Variants in INSYN2A observed in about 807,000 individuals in gnomAD.
The protein encoded by INSYN2A is family with sequence similarity 196 member A.
A neutral mutation model predicts 39.4 loss-of-function variants in INSYN2A; 17 were observed. The observed-to-expected ratio is 0.43, with a 90% CI of 0.30 to 0.65. The LOEUF is 0.65. Among genes scored for constraint, INSYN2A ranks in the 30% least tolerant of loss-of-function variants. The pLI is 0.14. For synonymous variants in INSYN2A, 255 were observed against 265.7 expected (o/e 0.96, Z 0.39); for missense variants, 595 against 631.2 (o/e 0.94, Z 0.61).
intron 4 of INSYN2A, among the ~76,000 whole-genome samples, chr10:127,164,089 C>CG (rs1564856778): frequency 2.0e-5 from 3 of 149,542 alleles, no homozygotes; most frequent in African/African-American, 7.4e-5. Flanking sequence ...TCCCAGGGGA[C>CG]GCAGGGGTCA....
rs1294747811 is a variant in INSYN2A, at chr10:127,175,774, C to T, written c.622G>A (p.Ala208Thr). The T allele has an allele frequency of 2.5e-6, 4 of 1,614,010 alleles. No homozygotes were observed. The highest frequency in any genetic ancestry group is 3.4e-6 in the Non-Finnish European group (4 of 1,180,042). The change falls in exon 4 of 6, where the codon GCG becomes ACG. Residue 208 changes from alanine (A) to threonine (T), a missense_variant. Coordinates refer to ENST00000522781, the MANE Select transcript of INSYN2A (RefSeq NM_001039762.3). This position sits in a 1 kb window ranked among gnomAD's most constrained non-coding sequence, Gnocchi z 6.3. ...GGAGGCCGAGTGGAGTTTTGGAGCGCAGCTTCTCCATAGCTGAGCGGCTCC... is the reference window on the plus strand; with the variant it reads ...GGAGGCCGAGTGGAGTTTTGGAGCGTAGCTTCTCCATAGCTGAGCGGCTCC... ...SPEPLSYGEAALQNSTRPPSE... is the reference protein window; with the variant it reads ...SPEPLSYGEATLQNSTRPPSE...
intron 5 of INSYN2A, among the ~76,000 whole-genome samples, chr10:127,141,733 C>T (rs2051277620): frequency 6.6e-6 from 1 of 151,970 alleles, no homozygotes; most frequent in Non-Finnish European, 1.5e-5. Context: ...CCCTGGACTG[C>T]TTTGTTTTGG....
intron 4 of INSYN2A, among the ~76,000 whole-genome samples, chr10:127,170,148 A>G (rs186522679): frequency 4.7e-4 from 71 of 152,172 alleles, no homozygotes; most frequent in Non-Finnish European, 5.6e-4. Flanking sequence ...GGGAGGTGAT[A>G]AATGACTGGG....
chr10:127,159,662 G>A (rs1055038082), intron 4 of INSYN2A, among the ~76,000 whole-genome samples: 1 of 152,162 alleles, frequency 6.6e-6, no homozygotes, highest in Non-Finnish European at 1.5e-5. Context: ...ACAATTTGGG[G>A]TATACGTGTT....
chr10:127,138,842 C>T (rs528563900), intron 5 of INSYN2A, among the ~76,000 whole-genome samples: 2 of 152,334 alleles, frequency 1.3e-5, no homozygotes, highest in East Asian at 3.9e-4. Context: ...CCGAAAATTG[C>T]TGTCAACTTG....
intron 5 of INSYN2A, among the ~76,000 whole-genome samples, chr10:127,142,216 G>T (rs1056890457): frequency 6.6e-6 from 1 of 152,216 alleles, no homozygotes; most frequent in Non-Finnish European, 1.5e-5. Flanking sequence ...TCCCAGGGCG[G>T]CTCCAGTGCA....
intron 2 of INSYN2A, among the ~76,000 whole-genome samples, chr10:127,178,864 T>C (rs571362450): frequency 6.6e-6 from 1 of 152,120 alleles, no homozygotes; most frequent in African/African-American, 2.4e-5. Flanking sequence ...CCCAGCAGGT[T>C]AAACAGATGC....
chr10:127,139,892 C>T (rs370046342), intron 5 of INSYN2A, among the ~76,000 whole-genome samples: 6 of 152,130 alleles, frequency 3.9e-5, no homozygotes, highest in African/African-American at 1.4e-4. Flanking sequence ...ATCTATTGAT[C>T]ACTAATCTTA....
At chr10:127,178,386 TGGAGGGGCTTTGCTGTGC>T (rs1408779460) in intron 2 of INSYN2A, among the ~76,000 whole-genome samples, 1 of 152,222 alleles carries the variant, frequency 6.6e-6, no homozygotes, top group Non-Finnish European at 1.5e-5. Flanking sequence ...CATTTGCTGT[TGGAGGGGCTTTGCTGTGC>T]GGTGCAGGGT....
At chr10:127,161,867 A>T (rs1589707572) in intron 4 of INSYN2A, among the ~76,000 whole-genome samples, 2 of 152,340 alleles carry the variant, frequency 1.3e-5, no homozygotes, top group East Asian at 3.9e-4. Flanking sequence ...ATGAAAAAAT[A>T]TAATTGAGAA....
intron 4 of INSYN2A, among the ~76,000 whole-genome samples, chr10:127,166,385 C>A (rs1379838999): frequency 2.0e-5 from 3 of 152,314 alleles, no homozygotes; most frequent in Non-Finnish European, 4.4e-5. Flanking sequence ...CCTGCATTTT[C>A]ATTAGTTCAT....
chr10:127,194,602 T>C (rs947949474), intron 1 of INSYN2A, among the ~76,000 whole-genome samples: 4 of 152,212 alleles, frequency 2.6e-5, no homozygotes, highest in African/African-American at 9.6e-5. Context: ...ACTCTGGGAA[T>C]GGCCCGGGTC....
chr10:127,184,297 G>A (rs1021702464), intron 2 of INSYN2A, among the ~76,000 whole-genome samples: 1 of 151,856 alleles, frequency 6.6e-6, no homozygotes, highest in Non-Finnish European at 1.5e-5. Flanking sequence ...TGCTGCCAAC[G>A]GCTTGCTCAA....
At chr10:127,193,117 C>CA (rs1212775508) in intron 1 of INSYN2A, among the ~76,000 whole-genome samples, 1 of 151,926 alleles carries the variant, frequency 6.6e-6, no homozygotes, top group African/African-American at 2.4e-5. Flanking sequence ...ATATGTGAGA[C>CA]AAAAAAGGAT....
intron 5 of INSYN2A, 121 bp downstream of exon 5, chr10:127,153,731 G>T: frequency 4.1e-6 from 3 of 734,946 alleles, no homozygotes; most frequent in East Asian, 2.7e-5. Context: ...GTCAAGTAAG[G>T]TCCTTCACTT....
At chr10:127,172,549 A>C (rs914961051) in intron 4 of INSYN2A, among the ~76,000 whole-genome samples, 3 of 152,036 alleles carry the variant, frequency 2.0e-5, no homozygotes, top group African/African-American at 7.3e-5. Flanking sequence ...CAGCCAAATT[A>C]ATGACCCTGG....
intron 2 of INSYN2A, among the ~76,000 whole-genome samples, chr10:127,186,515 G>C (rs58421021): frequency 0.79 from 8,904 of 11,328 alleles, 3,382 homozygotes; most frequent in Middle Eastern, 1. Context: ...CCGCCCCCCC[G>C]CCCCCCCCCG....
chr10:127,191,476 A>G (rs1470204348), intron 2 of INSYN2A, among the ~76,000 whole-genome samples: 2 of 152,222 alleles, frequency 1.3e-5, no homozygotes, highest in Non-Finnish European at 2.9e-5. Flanking sequence ...TGCATTTTTT[A>G]AGGATGCTAA....
chr10:127,189,256 TAC>T (rs1478574951), intron 2 of INSYN2A, among the ~76,000 whole-genome samples: 2 of 152,238 alleles, frequency 1.3e-5, no homozygotes. Context: ...ACTCTTCAGA[TAC>T]AGTTAGAACT....
Sources: allele counts gnomAD v4.1 joint callset (sites outside exome capture counted in the v4.1 genomes callset), GRCh38; gene constraint gnomAD v4.1.1; non-coding constraint Gnocchi (gnomAD v3.1); transcripts MANE v1.5; gene names NCBI Gene and HGNC (gene_info 2026-07-23, HGNC 2026-07-21).